The following TRPC4 variants were observed in gnomAD, a reference collection of about 807,000 sequenced individuals.
The protein encoded by TRPC4 is transient receptor potential cation channel subfamily C member 4.
Under a neutral mutation model 99.4 loss-of-function variants are expected in TRPC4, and 49 were observed. The observed-to-expected ratio is 0.49, with a 90% CI of 0.39 to 0.63. The LOEUF is 0.63. Ranked by LOEUF, TRPC4 falls within the 20% of genes least tolerant of loss-of-function variation. The pLI is 0.00. For synonymous variants in TRPC4, 454 were observed against 425.9 expected, an observed-to-expected ratio of 1.07 and a Z score of -0.81; for missense variants, 898 against 1,152.9, an observed-to-expected ratio of 0.78 and a Z score of 3.20.
At chr13:37,751,936 A>T (rs1304947020) in intron 2 of TRPC4, among the ~76,000 whole-genome samples, 1 of 151,346 alleles carries the variant, frequency 6.6e-6, no homozygotes, top group South Asian at 2.1e-4. Context: ...GCAGCGTCAC[A>T]TCAGATGATA....
chr13:37,778,590 G>T (rs1956765817), intron 2 of TRPC4, among the ~76,000 whole-genome samples: 1 of 151,894 alleles, frequency 6.6e-6, no homozygotes, highest in South Asian at 2.1e-4. Context: ...GATTGATTAG[G>T]TTGATCTCCA....
intron 3 of TRPC4, among the ~76,000 whole-genome samples, chr13:37,742,353 G>T (rs1955616800): frequency 6.6e-6 from 1 of 152,120 alleles, no homozygotes; most frequent in African/African-American, 2.4e-5. Context: ...TTCAGGCAAA[G>T]AAACATGCAG....
At chr13:37,651,164 G>T in intron 8 of TRPC4, 101 bp downstream of exon 8, 1 of 1,343,778 alleles carries the variant, frequency 7.4e-7, no homozygotes. Flanking sequence ...CAATCAGTAA[G>T]AACAAAAAGG....
At chr13:37,659,467 C>T (rs1203880027) in intron 6 of TRPC4, among the ~76,000 whole-genome samples, 1 of 152,056 alleles carries the variant, frequency 6.6e-6, no homozygotes, top group Admixed American at 6.6e-5. Context: ...TATAAATTAC[C>T]TAGTCTCAGA....
intron 3 of TRPC4, among the ~76,000 whole-genome samples, chr13:37,711,818 T>A (rs976298325): frequency 6.6e-6 from 1 of 152,114 alleles, no homozygotes; most frequent in Non-Finnish European, 1.5e-5. Flanking sequence ...AATGTTCTAA[T>A]AGACATATTT....
chr13:37,733,887 T>C (rs1468896615), intron 3 of TRPC4, among the ~76,000 whole-genome samples: 1 of 152,120 alleles, frequency 6.6e-6, no homozygotes, highest in Non-Finnish European at 1.5e-5. Flanking sequence ...GTTGCAAAGA[T>C]AATAAAATTG....
intron 3 of TRPC4, among the ~76,000 whole-genome samples, chr13:37,743,095 C>T (rs1955639157): frequency 6.6e-6 from 1 of 151,916 alleles, no homozygotes; most frequent in African/African-American, 2.4e-5. Flanking sequence ...GAAAAAAATC[C>T]CAATACAATG....
At chr13:37,758,534 G>A (rs1162814235) in intron 2 of TRPC4, among the ~76,000 whole-genome samples, 1 of 151,446 alleles carries the variant, frequency 6.6e-6, no homozygotes, top group African/African-American at 2.4e-5. Flanking sequence ...TCATTATTTT[G>A]GAGTTTCTAT....
At chr13:37,648,918 C>A (rs1450136660) in intron 8 of TRPC4, among the ~76,000 whole-genome samples, 1 of 152,052 alleles carries the variant, frequency 6.6e-6, no homozygotes, top group Non-Finnish European at 1.5e-5. Context: ...TGTTTTGTTA[C>A]AAGTTTCCTG....
At chr13:37,802,784 G>A (rs898862216) in intron 1 of TRPC4, among the ~76,000 whole-genome samples, 1 of 152,080 alleles carries the variant, frequency 6.6e-6, no homozygotes, top group Admixed American at 6.6e-5. Context: ...ATTAATAAAT[G>A]TTTTGGGAAG....
intron 1 of TRPC4, among the ~76,000 whole-genome samples, chr13:37,840,835 T>C (rs1490190208): frequency 1.3e-5 from 2 of 152,038 alleles, no homozygotes; most frequent in African/African-American, 4.8e-5. Flanking sequence ...CAATAAATTT[T>C]ATTACACTAA....
At chr13:37,850,448 T>C (rs908300837) in intron 1 of TRPC4, among the ~76,000 whole-genome samples, 1 of 152,206 alleles carries the variant, frequency 6.6e-6, no homozygotes, top group Non-Finnish European at 1.5e-5. Context: ...ATGTGAAAGA[T>C]GGTAATTTGG....
rs148262874 is a variant in TRPC4 at position 37,726,181 on chromosome 13, G to A, written c.897+19756C>T. On this transcript the variant is annotated intron_variant, in intron 3 of 10. Coordinates refer to ENST00000379705, the MANE Select transcript of TRPC4 (RefSeq NM_016179.4). ...ACTGCACTCCAGCCTGGGCGACAGA[G>A]TGAGACACCGTCCCCCCCCAAAAAA... Among the ~76,000 whole-genome samples, 199 of 150,892 alleles carry A rather than the reference G, an allele frequency of 1.3e-3. 3 individuals are homozygous for A. The highest frequency in any genetic ancestry group is 4.5e-3 in the African/African-American group (185 of 41,136).
intron 1 of TRPC4, among the ~76,000 whole-genome samples, chr13:37,861,797 C>A (rs1283587806): frequency 6.6e-6 from 1 of 151,462 alleles, no homozygotes; most frequent in African/African-American, 2.4e-5. Flanking sequence ...TCTTTTTATA[C>A]AGCACATGCA....
intron 5 of TRPC4, among the ~76,000 whole-genome samples, chr13:37,671,093 AG>A (rs1952823331): frequency 6.6e-6 from 1 of 152,176 alleles, no homozygotes; most frequent in African/African-American, 2.4e-5. Context: ...TTGCATTTTC[AG>A]CAACCAGATC....
At chr13:37,647,880 C>T (rs1951898864) in intron 8 of TRPC4, among the ~76,000 whole-genome samples, 2 of 152,184 alleles carry the variant, frequency 1.3e-5, no homozygotes. Flanking sequence ...ATTACTTTCT[C>T]AGTTAACCCC....
At chr13:37,849,788 G>A (rs938299875) in intron 1 of TRPC4, among the ~76,000 whole-genome samples, 2 of 152,166 alleles carry the variant, frequency 1.3e-5, no homozygotes, top group Non-Finnish European at 2.9e-5. Flanking sequence ...GCTGTGTTGG[G>A]AGCCAATCAT....
intron 1 of TRPC4, among the ~76,000 whole-genome samples, chr13:37,832,879 C>T (rs1958461589): frequency 1.3e-5 from 2 of 152,100 alleles, no homozygotes; most frequent in Non-Finnish European, 1.5e-5. Context: ...TATTGATTAA[C>T]CTCTAAACCC....
intron 1 of TRPC4, among the ~76,000 whole-genome samples, chr13:37,783,834 T>C (rs1956906044): frequency 1.3e-5 from 2 of 152,064 alleles, no homozygotes; most frequent in Non-Finnish European, 2.9e-5. Context: ...CAAAATATTG[T>C]TAATTTGTCA....
Sources: gnomAD v4.1 joint callset for allele counts (sites outside exome capture counted in the v4.1 genomes callset) on GRCh38, gnomAD v4.1.1 for gene constraint, MANE v1.5 for transcripts, NCBI Gene and HGNC (gene_info 2026-07-23, HGNC 2026-07-21) for gene names.